Variants in BCL9L observed in about 807,000 individuals in gnomAD.
BCL9L encodes the protein BCL9 like.
A neutral mutation model predicts 99.4 loss-of-function variants in BCL9L; 19 were observed. That is an observed-to-expected ratio of 0.19 (90% CI 0.13 to 0.28). The LOEUF (loss-of-function observed/expected upper bound fraction) is 0.28, where lower values mean the gene tolerates loss of function less well. BCL9L is among the 10% of genes least tolerant of loss of function. The pLI, the probability that BCL9L is intolerant of heterozygous loss-of-function variation, is 1.00. For missense variants in BCL9L, 2,023 were observed against 2,101.6 expected (o/e 0.96, Z 0.73); for synonymous variants, 900 against 854.8 (o/e 1.05, Z -0.92).
Position 118,898,934 on chromosome 11 carries a change from C to G in BCL9L, c.3981G>C (p.Ser1327=). ...TTGGCTTCTCAGAGGGGATGATCCTCGACAAGTCGAACTCGGGGATCCCCG... is the reference window on the plus strand; with the variant it reads ...TTGGCTTCTCAGAGGGGATGATCCTGGACAAGTCGAACTCGGGGATCCCCG... ...TPTGIPEFDL[S]RIIPSEKPSS... Residue 1327 remains serine (S), a synonymous_variant, in exon 10 of 10, where the codon TCG becomes TCC. Transcript: ENST00000683865. 6.2e-7 allele frequency: 1 copy of G among 1,612,576 alleles called. No individual in the cohort carries two copies. Among genetic ancestry groups the G allele is most frequent in the Non-Finnish European group, 8.5e-7 (1 of 1,178,968 alleles).
intron 2 of BCL9L, among the ~76,000 whole-genome samples, chr11:118,912,437 AG>A (rs1940831202): frequency 6.6e-6 from 1 of 152,130 alleles, no homozygotes; most frequent in African/African-American, 2.4e-5. Flanking sequence ...AATGAATCGG[AG>A]GAGCGGAAGA....
In BCL9L at chr11:118,921,478, G is replaced by A. The variant is rs577696972; in HGVS notation, c.-130-2599C>T. 4.4e-4 allele frequency among the ~76,000 whole-genome samples: 67 copies of A among 152,234 alleles called. No homozygotes were observed. Among genetic ancestry groups the A allele is most frequent in the Non-Finnish European group, 9.1e-4 (62 of 68,024 alleles). On this transcript the variant is annotated intron_variant, in intron 1 of 9. Transcript: ENST00000683865. This position sits in a 1 kb window ranked among gnomAD's most constrained non-coding sequence, Gnocchi z 5.4. ...GAAATGCTGGATTCAGGGCCATTCC[G>A]AGTTGAGGCTGGGGGTGGGGAAGTG...
At position 118,903,888 on chromosome 11, in the gene BCL9L, T is replaced by C. The variant is rs183875077; in HGVS notation, c.533-436A>G. The stretch of plus-strand genomic sequence containing the variant: ...GCCCCTCTCACTGGGTAAGTGTATG[T>C]GCACACAGTCTAGTGACCCAGTTAG... On this transcript the variant is annotated intron_variant, in intron 5 of 9. Transcript: ENST00000683865. This position sits in a 1 kb window ranked among gnomAD's most constrained non-coding sequence, Gnocchi z 5.6. 2.4e-3 allele frequency among the ~76,000 whole-genome samples: 361 copies of C among 152,334 alleles called. 1 individual carries two copies. Among genetic ancestry groups the C allele is most frequent in the Non-Finnish European group, 4.0e-3 (271 of 68,036 alleles).
chr11:118,900,532 T>C lies in BCL9L; in HGVS notation c.3124+87A>G. 6.6e-7 allele frequency: 1 copy of C among 1,514,936 alleles called. No homozygotes were observed. The highest frequency in any genetic ancestry group is 8.8e-7 in the Non-Finnish European group (1 of 1,137,096). 93.8% of individuals were successfully genotyped at this position (1,514,936 alleles called of 1,614,324 possible). On this transcript the variant is annotated intron_variant, in intron 8 of 9. Coordinates refer to ENST00000683865, the MANE Select transcript of BCL9L (RefSeq NM_001378213.1). The surrounding 1 kb of genome is among the most constrained non-coding windows in gnomAD (Gnocchi z 5.3). ...CTCTGGGCCCGTGGTACACAGGCCC[T>C]TACTCACTCACTGCCCAGCCCCAGC...
Position 118,901,245 on chromosome 11 carries a change from T to G in BCL9L, c.2498A>C (p.Gln833Pro), listed in dbSNP as rs779383973. The G allele has an allele frequency of 5.6e-6, 9 of 1,613,928 alleles. No individual in the cohort carries two copies. The East Asian group carries it at 1.8e-4, about 32-fold the overall frequency. Residue 833 changes from glutamine to proline, a missense_variant, in exon 8 of 10, where the codon CAG (glutamine) becomes CCG (proline). Gln to Pro is a moderately conservative substitution (Grantham distance 76). Transcript: ENST00000683865. This position sits in a 1 kb window ranked among gnomAD's most constrained non-coding sequence, Gnocchi z 6.6. ...QNSSGVMGGP[Q>P]KMLMPSQFPN... ...AAACTGTGAAGGCATCAGCATCTTC[T>G]GCGGGCCGCCCATCACGCCACTGCT...
intron 4 of BCL9L, 147 bp from the exon 5 acceptor site, chr11:118,907,749 C>T (rs1165668387): frequency 2.9e-5 from 37 of 1,256,174 alleles, no homozygotes; most frequent in Non-Finnish European, 3.4e-5. Context: ...CAGCCCGTGG[C>T]CCCCACCACG....
rs560735167 is a variant in BCL9L at position 118,898,745 on chromosome 11, G to A, written c.4170C>T (p.Ser1390=). Residue 1390 remains serine, a synonymous_variant, in exon 10 of 10, where the codon TCC becomes TCT. Coordinates refer to ENST00000683865, the MANE Select transcript of BCL9L (RefSeq NM_001378213.1). ...QQGVQRGLNM[S]MCHPGQMSLL... ...AGGACATCTGTCCAGGGTGGCACAT[G>A]GACATGTTGAGCCCCCGCTGGACGC... 6.2e-7 allele frequency: 1 copy of A among 1,613,562 alleles called. No individual in the cohort carries two copies. Among genetic ancestry groups the A allele is most frequent in the South Asian group, 1.1e-5 (1 of 91,048 alleles).
chr11:118,899,543 T>A (rs1940111081), intron 9 of BCL9L, 35 bp from the exon 10 acceptor site: 1 of 1,598,268 alleles, frequency 6.3e-7, no homozygotes, highest in Non-Finnish European at 8.5e-7. Flanking sequence ...TCAGGCACGG[T>A]GTGCCCAGCT....
Position 118,899,078 on chromosome 11 carries a change from G to A in BCL9L, c.3837C>T (p.His1279=), listed in dbSNP as rs765197776. The A allele has an allele frequency of 7.5e-6, 12 of 1,605,782 alleles. No individual in the cohort carries two copies. The Admixed American group carries it at 2.0e-4, about 27-fold the overall frequency. Residue 1279 remains histidine, a synonymous_variant, in exon 10 of 10, where the codon CAC becomes CAT. Transcript: ENST00000683865. ...QPPGPMPPQQ[H]LMGKAMAGRM... is the part of the protein sequence containing the mutation. ...GCCCAGCCATGGCTTTGCCCATCAG[G>A]TGCTGCTGGGGAGGCATGGGGCCTG... is the stretch of plus-strand genomic sequence containing the variant.
In BCL9L at chr11:118,921,231, C is replaced by T. The variant is rs1170816092; in HGVS notation, c.-130-2352G>A. 6.6e-6 allele frequency among the ~76,000 whole-genome samples: 1 copy of T among 152,046 alleles called. No homozygotes were observed. The highest frequency in any genetic ancestry group is 1.5e-5 in the Non-Finnish European group (1 of 68,014). ...ACACAGAACTGCCAAACAGAACCGC[C>T]GACAGAAGATACACCCACACTGAGA... On this transcript the variant is annotated intron_variant, in intron 1 of 9. Transcript: ENST00000683865. The surrounding 1 kb of genome is among the most constrained non-coding windows in gnomAD (Gnocchi z 5.4).
rs745451082 is a variant in BCL9L, at chr11:118,897,766, T to TG, written c.*648_*649insC. The stretch of plus-strand genomic sequence containing the variant: ...AAGGGTTTCTTTTATCCTTTTTTTT[T>TG]TGTGTGACTTCTATCAAAACACAGA... On this transcript the variant is annotated 3_prime_UTR_variant, in exon 10 of 10. Coordinates refer to ENST00000683865, the MANE Select transcript of BCL9L (RefSeq NM_001378213.1). 1.6e-4 allele frequency: 72 copies of TG among 453,400 alleles called. No homozygotes were observed. The highest frequency in any genetic ancestry group is 8.2e-4 in the Admixed American group (34 of 41,564). The allele number at this position is 453,400 out of a possible 1,614,324, so 28.1% of individuals were successfully genotyped here.
In BCL9L at chr11:118,898,534, C is replaced by G. The variant is rs766844579; in HGVS notation, c.4381G>C (p.Gly1461Arg). 1 of 1,601,290 alleles carries G rather than the reference C, an allele frequency of 6.2e-7. No homozygotes were observed. The highest frequency in any genetic ancestry group is 1.1e-5 in the South Asian group (1 of 90,340). The stretch of plus-strand genomic sequence containing the variant: ...ATGAGGTTCTGCTGGGGCGGGGGGC[C>G]CATGAGGGAGCCCTGCGGGGAGAGC... ...HMLSPQGSLM[G>R]PPPQQNLMVS... Residue 1461 changes from glycine (G) to arginine (R), a missense_variant, in exon 10 of 10, where the codon GGC (glycine) becomes CGC (arginine). Transcript: ENST00000683865.
Position 118,901,275 on chromosome 11 carries a change from T to C in BCL9L, c.2468A>G (p.Gln823Arg), listed in dbSNP as rs776924640. The change falls in exon 8 of 10, where the codon CAG (glutamine) becomes CGG (arginine). Residue 823 changes from glutamine (Q) to arginine (R), a missense_variant. Gln to Arg is a conservative substitution (Grantham distance 43, BLOSUM62 1). Coordinates refer to ENST00000683865, the MANE Select transcript of BCL9L (RefSeq NM_001378213.1). The surrounding 1 kb of genome is among the most constrained non-coding windows in gnomAD (Gnocchi z 6.6). ...GCCGCCCATCACGCCACTGCTGTTC[T>C]GGGCCCGAACCCGGGCCATCTCCTC... Reference protein sequence around the residue: ...SPEEMARVRAQNSSGVMGGPQ... With the variant: ...SPEEMARVRARNSSGVMGGPQ... 7 of 1,614,042 alleles carry C rather than the reference T, an allele frequency of 4.3e-6. No individual in the cohort carries two copies. Among genetic ancestry groups the C allele is most frequent in the Middle Eastern group, 1.6e-4 (1 of 6,062 alleles).
intron 2 of BCL9L, chr11:118,910,886 G>A: frequency 1.5e-5 from 1 of 67,560 alleles, no homozygotes; most frequent in Non-Finnish European, 2.7e-5. Flanking sequence ...CACGTGGACA[G>A]GGAGACAAGA....
intron 3 of BCL9L, among the ~76,000 whole-genome samples, chr11:118,909,488 G>T (rs1940687689): frequency 6.6e-6 from 1 of 152,132 alleles, no homozygotes; most frequent in Non-Finnish European, 1.5e-5. Context: ...TGCTGCTGCC[G>T]CCTGGCCCTG....
At chr11:118,913,502 C>T (rs974459471) in intron 2 of BCL9L, among the ~76,000 whole-genome samples, 1 of 152,208 alleles carries the variant, frequency 6.6e-6, no homozygotes, top group Non-Finnish European at 1.5e-5. Context: ...CAATCATGGC[C>T]TGGCAGTGGG....
At chr11:118,912,046 G>A (rs1314473562) in intron 2 of BCL9L, among the ~76,000 whole-genome samples, 1 of 151,944 alleles carries the variant, frequency 6.6e-6, no homozygotes, top group African/African-American at 2.4e-5. Flanking sequence ...CCACCCCGCC[G>A]CAGGGCGAGC....
Position 118,914,919 on chromosome 11 carries a change from C to G in BCL9L, c.-77+3907G>C, listed in dbSNP as rs1429017264. ...TTAGGAGGTCAAGGCAGGTGGATCA[C>G]GAGGTCAGGAGTTCAAGACCAGCCT... On this transcript the variant is annotated intron_variant, in intron 2 of 9. Coordinates refer to ENST00000683865, the MANE Select transcript of BCL9L (RefSeq NM_001378213.1). This position sits in a 1 kb window ranked among gnomAD's most constrained non-coding sequence, Gnocchi z 4.4. 1.3e-5 allele frequency among the ~76,000 whole-genome samples: 2 copies of G among 152,146 alleles called. No individual in the cohort carries two copies. Among genetic ancestry groups the G allele is most frequent in the Non-Finnish European group, 2.9e-5 (2 of 68,012 alleles).
chr11:118,913,431 G>A (rs1339617535), intron 2 of BCL9L, among the ~76,000 whole-genome samples: 1 of 152,194 alleles, frequency 6.6e-6, no homozygotes, highest in East Asian at 1.9e-4. Context: ...GGACAGGCCT[G>A]AGGTCACCTC....
Sources: allele counts gnomAD v4.1 joint callset (sites outside exome capture counted in the v4.1 genomes callset), GRCh38; gene constraint gnomAD v4.1.1; non-coding constraint Gnocchi (gnomAD v3.1); transcripts MANE v1.5; gene names NCBI Gene and HGNC (gene_info 2026-07-23, HGNC 2026-07-21).